The following IKZF2 variants were observed in gnomAD, a reference collection of about 807,000 sequenced individuals.
IKZF2 encodes zinc finger protein Helios.
IKZF2 carries 15 observed loss-of-function variants against 49.2 expected under a neutral mutation model. The ratio of observed to expected loss-of-function variants is 0.30; its 90% CI spans 0.20 to 0.47. The LOEUF is 0.47. Among genes scored for constraint, IKZF2 ranks in the 20% least tolerant of loss-of-function variants. The probability of loss-of-function intolerance (pLI) is 1.00; values close to 1 mark genes in which losing one functional copy is unlikely to be tolerated. For synonymous variants in IKZF2, 227 were observed against 221.4 expected, an observed-to-expected ratio of 1.03 and a Z score of -0.23; for missense variants, 567 against 664.6, an observed-to-expected ratio of 0.85 and a Z score of 1.61.
intron 4 of IKZF2, among the ~76,000 whole-genome samples, chr2:213,070,730 G>A (rs868861163): frequency 6.6e-6 from 1 of 152,044 alleles, no homozygotes; most frequent in Non-Finnish European, 1.5e-5. Context: ...ATGGGAGCAC[G>A]GTCTCAGTGC....
rs974029641 is a variant in IKZF2 at position 213,003,792 on chromosome 2, C to T, written c.*3568G>A. 1 of 151,756 alleles carries T rather than the reference C, an allele frequency of 6.6e-6. No homozygotes were observed. The highest frequency in any genetic ancestry group is 1.5e-5 in the Non-Finnish European group (1 of 67,786). 9.4% of individuals were successfully genotyped at this position (151,756 alleles called of 1,614,324 possible). ...CTATAAAAACAAAATACCGGGCTCA[C>T]TAAACTATTCTTGTCTTTCTCTATT... is the stretch of plus-strand genomic sequence containing the variant. On this transcript the variant is annotated 3_prime_UTR_variant, in exon 9 of 9. Transcript: ENST00000434687.
chr2:213,150,293 C>T (rs2061237332), intron 1 of IKZF2, 46 bp from the exon 2 acceptor site: 8 of 729,480 alleles, frequency 1.1e-5, no homozygotes, highest in Non-Finnish European at 1.3e-5. Context: ...TTGTGTTTCC[C>T]CCTTCTCTCT....
In IKZF2 at chr2:213,008,037, T is replaced by C; in HGVS notation, c.904A>G (p.Asn302Asp). 1 of 1,612,664 alleles carries C rather than the reference T, an allele frequency of 6.2e-7. No individual in the cohort carries two copies. Among genetic ancestry groups the C allele is most frequent in the Non-Finnish European group, 8.5e-7 (1 of 1,179,324 alleles). Residue 302 changes from asparagine to aspartate, a missense_variant, in exon 9 of 9, where the codon AAC becomes GAC. Physicochemically the swap from Asn to Asp is conservative, Grantham distance 23. Coordinates refer to ENST00000434687, the MANE Select transcript of IKZF2 (RefSeq NM_001387220.1). ...TCAGCCTCCTTCTCATATGTTAAGT[T>C]CATATCAAAGTGAATATCTGGGTAG... ...FSYPDIHFDMNLTYEKEAELM... is the reference protein window; with the variant it reads ...FSYPDIHFDMDLTYEKEAELM...
chr2:213,071,142 C>T (rs1382612239), intron 4 of IKZF2, among the ~76,000 whole-genome samples: 1 of 152,082 alleles, frequency 6.6e-6, no homozygotes, highest in Non-Finnish European at 1.5e-5. Flanking sequence ...ATGTATATCA[C>T]TGGCTATAAA....
At chr2:213,082,905 A>G (rs1466544933) in intron 4 of IKZF2, among the ~76,000 whole-genome samples, 3 of 152,220 alleles carry the variant, frequency 2.0e-5, no homozygotes, top group Non-Finnish European at 4.4e-5. Context: ...TGTTTGCAAA[A>G]TATAATTTCA....
intron 8 of IKZF2, 30 bp downstream of exon 8, chr2:213,013,761 C>A: frequency 6.3e-7 from 1 of 1,587,300 alleles, no homozygotes; most frequent in Non-Finnish European, 8.6e-7. Flanking sequence ...CATCACCTTG[C>A]AAAGAAACAA....
chr2:213,134,097 C>T (rs966488546), intron 4 of IKZF2, among the ~76,000 whole-genome samples: 3 of 152,150 alleles, frequency 2.0e-5, no homozygotes, highest in African/African-American at 4.8e-5. Context: ...CCAACCTGAG[C>T]CTTCTAAATA....
intron 4 of IKZF2, among the ~76,000 whole-genome samples, chr2:213,112,672 A>G (rs2059751555): frequency 6.6e-6 from 1 of 152,046 alleles, no homozygotes; most frequent in Non-Finnish European, 1.5e-5. Context: ...CATTTTTACT[A>G]AAGTGTTGGT....
rs567721447 is a variant in IKZF2 at position 213,097,893 on chromosome 2, A to T, written c.140-40794T>A. ...CATCCTTACCTTAAATTAATGGTTGAATGTAATCTGGCAAGGAACAGAAGT... is the reference window on the plus strand; with the variant it reads ...CATCCTTACCTTAAATTAATGGTTGTATGTAATCTGGCAAGGAACAGAAGT... On this transcript the variant is annotated intron_variant, in intron 4 of 8. Transcript: ENST00000434687. The T allele has an allele frequency of 1.2e-4, 22 of 186,400 alleles. 1 individual carries two copies. Among genetic ancestry groups the T allele is most frequent in the Admixed American group, 3.9e-4 (7 of 18,060 alleles). 11.5% of individuals were successfully genotyped at this position (186,400 alleles called of 1,614,324 possible). A position where few individuals can be genotyped will look rare whatever the true frequency, so the allele number is the denominator to read the frequency against.
intron 4 of IKZF2, among the ~76,000 whole-genome samples, chr2:213,130,755 T>C (rs1037734179): frequency 7.9e-5 from 12 of 152,210 alleles, no homozygotes; most frequent in African/African-American, 2.9e-4. Flanking sequence ...TTCCTATATA[T>C]GCCAGTTAGA....
intron 4 of IKZF2, 90 bp from the exon 5 acceptor site, chr2:213,057,189 T>A (rs1393434903): frequency 9.1e-7 from 1 of 1,102,962 alleles, no homozygotes; most frequent in Admixed American, 2.6e-5. Flanking sequence ...TCCTACTAAA[T>A]GGATGAAAAT....
At chr2:213,099,592 A>G (rs1706415616) in intron 4 of IKZF2, among the ~76,000 whole-genome samples, 1 of 152,174 alleles carries the variant, frequency 6.6e-6, no homozygotes, top group Non-Finnish European at 1.5e-5. Context: ...CATATACAGC[A>G]TGGTACACAG....
intron 5 of IKZF2, among the ~76,000 whole-genome samples, chr2:213,054,201 A>G (rs1700938050): frequency 1.3e-5 from 2 of 152,040 alleles, no homozygotes. Flanking sequence ...CCAAGATTGC[A>G]CCACTACACT....
chr2:213,092,772 G>A (rs1480134136), intron 4 of IKZF2, among the ~76,000 whole-genome samples: 4 of 152,178 alleles, frequency 2.6e-5, no homozygotes, highest in African/African-American at 9.7e-5. Context: ...TGGTTGCCAG[G>A]TGGGGTACCC....
chr2:213,051,993 T>C (rs13394103), intron 5 of IKZF2, among the ~76,000 whole-genome samples: 150,868 of 152,064 alleles, frequency 0.99, 74,851 homozygotes, highest in Middle Eastern at 1. Flanking sequence ...TTCAAAATCC[T>C]TAATTTAGAG....
chr2:213,041,720 A>C (rs1172089043), intron 6 of IKZF2, among the ~76,000 whole-genome samples: 1 of 152,178 alleles, frequency 6.6e-6, no homozygotes, highest in Non-Finnish European at 1.5e-5. Flanking sequence ...TTCACATAAA[A>C]AAAGTTATTA....
At chr2:213,125,447 C>T (rs142892615) in intron 4 of IKZF2, among the ~76,000 whole-genome samples, 12 of 152,230 alleles carry the variant, frequency 7.9e-5, no homozygotes, top group African/African-American at 1.7e-4. Context: ...GTCAAACATA[C>T]GTAGATACCA....
intron 4 of IKZF2, among the ~76,000 whole-genome samples, chr2:213,134,727 C>T (rs561172051): frequency 6.6e-6 from 1 of 152,208 alleles, no homozygotes; most frequent in African/African-American, 2.4e-5. Flanking sequence ...TACCAGAAAC[C>T]ATTCTAATCT....
At chr2:213,123,764 A>G (rs1410649889) in intron 4 of IKZF2, among the ~76,000 whole-genome samples, 1 of 151,792 alleles carries the variant, frequency 6.6e-6, no homozygotes, top group Non-Finnish European at 1.5e-5. Flanking sequence ...AAAAAGACAT[A>G]ATATATATGT....
Sources: gnomAD v4.1 joint callset for allele counts (sites outside exome capture counted in the v4.1 genomes callset) on GRCh38, gnomAD v4.1.1 for gene constraint, MANE v1.5 for transcripts, NCBI Gene and HGNC (gene_info 2026-07-23, HGNC 2026-07-21) for gene names.